The following IQCM variants were observed in gnomAD, a reference collection of about 807,000 sequenced individuals.
IQCM encodes IQ motif containing M.
IQCM carries 45 observed loss-of-function variants against 57.6 expected under a neutral mutation model. The observed-to-expected ratio is 0.78, with a 90% CI of 0.62 to 1.00. IQCM has a LOEUF of 1.00. Among genes scored for constraint, IQCM ranks in the 50% least tolerant of loss-of-function variants. The pLI is 0.00. For missense variants in IQCM, 468 were observed against 511.6 expected, an observed-to-expected ratio of 0.91 and a Z score of 0.82; for synonymous variants, 148 against 158.9, an observed-to-expected ratio of 0.93 and a Z score of 0.51.
intron 13 of IQCM, among the ~76,000 whole-genome samples, chr4:149,415,895 C>A (rs775024477): frequency 6.6e-5 from 10 of 151,872 alleles, no homozygotes; most frequent in Non-Finnish European, 1.3e-4. Flanking sequence ...CACACTGGGG[C>A]CTGTCGTGGG....
chr4:149,726,249 C>T (rs1030964528), intron 5 of IQCM, among the ~76,000 whole-genome samples: 12 of 152,136 alleles, frequency 7.9e-5, no homozygotes, highest in Non-Finnish European at 1.0e-4. Flanking sequence ...AAAACCCCAA[C>T]ACTTTCGGTC....
chr4:149,771,412 T>A (rs1008835689), intron 2 of IQCM, among the ~76,000 whole-genome samples: 1 of 152,106 alleles, frequency 6.6e-6, no homozygotes, highest in Non-Finnish European at 1.5e-5. Flanking sequence ...AATGTCATAT[T>A]GTCTCTTAAA....
chr4:149,658,464 C>G (rs953178791), intron 7 of IQCM, among the ~76,000 whole-genome samples: 2 of 151,942 alleles, frequency 1.3e-5, no homozygotes, highest in Non-Finnish European at 2.9e-5. Flanking sequence ...ACCTTTTACT[C>G]AAGACTGTCT....
At chr4:149,618,723 CAT>C (rs1348765438) in intron 8 of IQCM, among the ~76,000 whole-genome samples, 1 of 152,038 alleles carries the variant, frequency 6.6e-6, no homozygotes, top group Non-Finnish European at 1.5e-5. Context: ...AGCCAACAAA[CAT>C]ATGAAAAAAT....
intron 12 of IQCM, among the ~76,000 whole-genome samples, chr4:149,444,641 G>A (rs963377534): frequency 6.6e-6 from 1 of 151,002 alleles, no homozygotes; most frequent in Non-Finnish European, 1.5e-5. Context: ...TATTAATGGG[G>A]ATTTAAAGAA....
At chr4:149,399,132 C>A (rs575020829) in intron 13 of IQCM, among the ~76,000 whole-genome samples, 19 of 152,158 alleles carry the variant, frequency 1.2e-4, no homozygotes, top group Middle Eastern at 3.4e-3. Context: ...TAGTTTCATA[C>A]TTATGAATAG....
intron 12 of IQCM, among the ~76,000 whole-genome samples, chr4:149,464,437 T>C (rs1415125957): frequency 6.6e-6 from 1 of 152,118 alleles, no homozygotes; most frequent in Non-Finnish European, 1.5e-5. Flanking sequence ...TCTCCTGCTT[T>C]GATCTTGCCA....
intron 2 of IQCM, among the ~76,000 whole-genome samples, chr4:149,786,941 A>G (rs769602923): frequency 3.6e-4 from 55 of 152,222 alleles, no homozygotes; most frequent in Non-Finnish European, 4.6e-4. Context: ...ATGCCCATCA[A>G]TGGTAGACTG....
chr4:149,790,650 A>G (rs373877963), intron 2 of IQCM, among the ~76,000 whole-genome samples: 1 of 152,236 alleles, frequency 6.6e-6, no homozygotes, highest in African/African-American at 2.4e-5. Context: ...GTGACACTCA[A>G]ATGAAGTTAC....
intron 7 of IQCM, among the ~76,000 whole-genome samples, chr4:149,675,335 T>G (rs918253584): frequency 6.6e-6 from 1 of 151,810 alleles, no homozygotes; most frequent in Non-Finnish European, 1.5e-5. Context: ...GGAGAATGGT[T>G]TGGAAACAGC....
chr4:149,668,324 A>T (rs1477820708), intron 7 of IQCM, among the ~76,000 whole-genome samples: 1 of 152,154 alleles, frequency 6.6e-6, no homozygotes, highest in East Asian at 1.9e-4. Flanking sequence ...ATCCAGCCAA[A>T]CCGTGCTTCA....
intron 2 of IQCM, among the ~76,000 whole-genome samples, chr4:149,765,926 T>C (rs1178882680): frequency 6.6e-6 from 1 of 152,074 alleles, no homozygotes; most frequent in Non-Finnish European, 1.5e-5. Flanking sequence ...AGAAATTTTT[T>C]GACCAAGATC....
intron 7 of IQCM, among the ~76,000 whole-genome samples, chr4:149,650,953 A>G (rs1759118168): frequency 6.6e-6 from 1 of 152,178 alleles, no homozygotes; most frequent in Non-Finnish European, 1.5e-5. Context: ...GAGGAAAAAT[A>G]CAGTCTTTGC....
At chr4:149,698,349 T>C (rs1317026701) in intron 5 of IQCM, among the ~76,000 whole-genome samples, 6 of 152,140 alleles carry the variant, frequency 3.9e-5, no homozygotes, top group Non-Finnish European at 5.9e-5. Context: ...ATAATGTTGA[T>C]TGAACAAATA....
At chr4:149,404,396 C>G (rs1732832639) in intron 13 of IQCM, among the ~76,000 whole-genome samples, 1 of 151,990 alleles carries the variant, frequency 6.6e-6, no homozygotes, top group Admixed American at 6.6e-5. Flanking sequence ...AAAATATTAA[C>G]CAGATGGAAA....
rs532497914 is a variant in IQCM, at chr4:149,460,446, A to G, written c.1229-26889T>C. Among the ~76,000 whole-genome samples the G allele has an allele frequency of 2.0e-5, 3 of 152,308 alleles. No individual in the cohort carries two copies. The East Asian group carries it at 5.8e-4, about 29-fold the overall frequency. On this transcript the variant is annotated intron_variant, in intron 12 of 13. Transcript: ENST00000636793. ...AACTGTTTCAAGGTTTTAGAAACAGATGAGGACATATATAGCATATTTTTA... is the reference window on the plus strand; with the variant it reads ...AACTGTTTCAAGGTTTTAGAAACAGGTGAGGACATATATAGCATATTTTTA...
chr4:149,559,088 C>G (rs1300495713), intron 10 of IQCM, among the ~76,000 whole-genome samples: 1 of 152,116 alleles, frequency 6.6e-6, no homozygotes, highest in Non-Finnish European at 1.5e-5. Context: ...TGACTCCACC[C>G]TCCTCCTTAT....
At chr4:149,434,954 G>T (rs926493374) in intron 12 of IQCM, among the ~76,000 whole-genome samples, 3 of 152,014 alleles carry the variant, frequency 2.0e-5, no homozygotes, top group Non-Finnish European at 4.4e-5. Context: ...GTTTGCCCCA[G>T]ATCTCCAGAG....
At chr4:149,354,693 T>G (rs930208325) in intron 13 of IQCM, among the ~76,000 whole-genome samples, 1 of 152,180 alleles carries the variant, frequency 6.6e-6, no homozygotes, top group Non-Finnish European at 1.5e-5. Context: ...TTCATGTTCT[T>G]ATACATTTCT....
Sources: allele counts gnomAD v4.1 joint callset (sites outside exome capture counted in the v4.1 genomes callset), GRCh38; gene constraint gnomAD v4.1.1; transcripts MANE v1.5; gene names NCBI Gene and HGNC (gene_info 2026-07-23, HGNC 2026-07-21).